The following PIBF1 variants were observed in gnomAD, a reference collection of about 807,000 sequenced individuals.
PIBF1 encodes progesterone immunomodulatory binding factor 1.
In PIBF1, 90 loss-of-function variants were observed where a neutral mutation model predicts 112.5. That is an observed-to-expected ratio of 0.80 (90% CI 0.67 to 0.95). PIBF1 has a LOEUF of 0.95. PIBF1 is among the 40% of genes least tolerant of loss of function. The probability of loss-of-function intolerance (pLI) is 0.00; values close to 1 mark genes in which losing one functional copy is unlikely to be tolerated. For synonymous variants in PIBF1, 301 were observed against 288.6 expected, an observed-to-expected ratio of 1.04 and a Z score of -0.44; for missense variants, 915 against 852.3, an observed-to-expected ratio of 1.07 and a Z score of -0.92.
Position 72,997,946 on chromosome 13 carries a change from C to T in PIBF1, c.2050-876C>T, listed in dbSNP as rs181236115. ...AGACAAATACACTTGGGAGCAAGAA[C>T]GGGTGAAATTTTTGATCTCTTCAAA... On this transcript the variant is annotated intron_variant, in intron 16 of 17. Transcript: ENST00000326291. Among the ~76,000 whole-genome samples the T allele has an allele frequency of 4.3e-3, 661 of 152,164 alleles. 3 individuals are homozygous for T. The highest frequency in any genetic ancestry group is 7.2e-3 in the Non-Finnish European group (487 of 68,012).
intron 5 of PIBF1, among the ~76,000 whole-genome samples, chr13:72,812,008 C>A (rs546432634): frequency 1.6e-4 from 25 of 152,014 alleles, no homozygotes; most frequent in African/African-American, 6.0e-4. Flanking sequence ...TGTGTATAAT[C>A]TTTAGTAAAT....
At chr13:72,795,313 C>T in intron 3 of PIBF1, 46 bp from the exon 4 acceptor site, 2 of 1,203,422 alleles carry the variant, frequency 1.7e-6, no homozygotes, top group Non-Finnish European at 2.4e-6. Context: ...AAAATTAGAT[C>T]TCAAATACTT....
chr13:72,929,505 G>T (rs2041636957), intron 13 of PIBF1, among the ~76,000 whole-genome samples: 1 of 152,032 alleles, frequency 6.6e-6, no homozygotes, highest in African/African-American at 2.4e-5. Flanking sequence ...GAGAGTGACT[G>T]GTAATGGACA....
chr13:72,947,465 G>T (rs930684412), intron 14 of PIBF1, among the ~76,000 whole-genome samples: 1 of 152,186 alleles, frequency 6.6e-6, no homozygotes, highest in Non-Finnish European at 1.5e-5. Context: ...TTTCACCATT[G>T]TCTTGGCAAT....
intron 6 of PIBF1, among the ~76,000 whole-genome samples, chr13:72,823,853 T>C (rs879851610): frequency 4.6e-5 from 7 of 152,162 alleles, no homozygotes; most frequent in Non-Finnish European, 8.8e-5. Context: ...GCTCTTTGTC[T>C]AAGAAGTCTT....
intron 5 of PIBF1, among the ~76,000 whole-genome samples, chr13:72,799,126 T>C (rs1233179092): frequency 6.6e-6 from 1 of 152,226 alleles, no homozygotes; most frequent in East Asian, 1.9e-4. Flanking sequence ...GACCAGGTCA[T>C]TTAATGTTTC....
At chr13:72,895,028 C>A (rs2040223121) in intron 11 of PIBF1, among the ~76,000 whole-genome samples, 1 of 151,294 alleles carries the variant, frequency 6.6e-6, no homozygotes, top group African/African-American at 2.4e-5. Flanking sequence ...GGGGTTGAGA[C>A]AGGGAGGATT....
At chr13:72,819,464 A>G (rs2036441746) in intron 5 of PIBF1, among the ~76,000 whole-genome samples, 1 of 151,808 alleles carries the variant, frequency 6.6e-6, no homozygotes. Context: ...ATTTTTTAAA[A>G]CCTTCATTGG....
chr13:72,988,425 G>A (rs533152896), intron 16 of PIBF1, among the ~76,000 whole-genome samples: 1 of 152,028 alleles, frequency 6.6e-6, no homozygotes, highest in Non-Finnish European at 1.5e-5. Context: ...TAGGGAGATC[G>A]AGGGGCTGTA....
chr13:73,010,810 C>CTTTTTCTTTTTTTTT (rs2044174823), intron 17 of PIBF1, among the ~76,000 whole-genome samples: 1 of 40,302 alleles, frequency 2.5e-5, no homozygotes, highest in African/African-American at 9.6e-5. Flanking sequence ...ATTAACTTTT[C>CTTTTTCTTTTTTTTT]TTTTTTTTTT....
intron 2 of PIBF1, among the ~76,000 whole-genome samples, chr13:72,785,964 T>G (rs77819761): frequency 0.012 from 1,807 of 152,286 alleles, 21 homozygotes; most frequent in Non-Finnish European, 0.02. Context: ...GTGTAACAAA[T>G]CCAAATTACA....
chr13:72,962,454 C>T (rs1005290636), intron 14 of PIBF1, among the ~76,000 whole-genome samples: 2 of 151,956 alleles, frequency 1.3e-5, no homozygotes, highest in Admixed American at 1.3e-4. Context: ...ATAAAATTAG[C>T]CGGGCATGGT....
At position 72,931,225 on chromosome 13, in the gene PIBF1, T is replaced by A. The variant is rs746767718; in HGVS notation, c.1791T>A (p.Asp597Glu). ...AACAAAACTCGCTGATTTTAAAAGA[T>A]CTGGAACATCGAAAGGACCAAGTAA... ...LEKQNSLILK[D>E]LEHRKDQVTQ... Residue 597 changes from aspartate to glutamate, a missense_variant, in exon 14 of 18, where the codon GAT (aspartate) becomes GAA (glutamate). By Grantham distance (45) the Asp-to-Glu change is conservative. Coordinates refer to ENST00000326291, the MANE Select transcript of PIBF1 (RefSeq NM_006346.4). The A allele has an allele frequency of 1.1e-5, 17 of 1,613,046 alleles. No individual in the cohort carries two copies. Among genetic ancestry groups the A allele is most frequent in the Non-Finnish European group, 1.4e-5 (16 of 1,179,460 alleles).
intron 17 of PIBF1, among the ~76,000 whole-genome samples, chr13:73,007,327 C>T (rs532594936): frequency 1.5e-3 from 213 of 146,896 alleles, no homozygotes; most frequent in African/African-American, 5.0e-3. Context: ...GATGGAGTCT[C>T]ACTCTGTCAC....
At chr13:72,913,131 T>C in intron 12 of PIBF1, among the ~76,000 whole-genome samples, 1 of 151,946 alleles carries the variant, frequency 6.6e-6, no homozygotes, top group East Asian at 1.9e-4. Context: ...TCACCAAAAA[T>C]TAACTGAGAA....
chr13:72,868,828 TA>T (rs56290400), intron 10 of PIBF1, among the ~76,000 whole-genome samples: 27,233 of 114,228 alleles, frequency 0.24, 3,843 homozygotes, highest in African/African-American at 0.45. Context: ...TCCCAAAAAG[TA>T]AAAAAAAAAA....
intron 10 of PIBF1, among the ~76,000 whole-genome samples, chr13:72,892,798 ACACACACACACG>A: frequency 6.6e-6 from 1 of 150,836 alleles, no homozygotes; most frequent in Non-Finnish European, 1.5e-5. Flanking sequence ...ACACACACAC[ACACACACACACG>A]CACACGCACA....
intron 12 of PIBF1, among the ~76,000 whole-genome samples, chr13:72,912,918 TTATAC>T (rs1033553892): frequency 1.3e-5 from 2 of 151,848 alleles, no homozygotes; most frequent in Non-Finnish European, 2.9e-5. Flanking sequence ...TATGGTATGA[TTATAC>T]TATATGATTA....
chr13:72,813,856 A>AC (rs5804649), intron 5 of PIBF1, among the ~76,000 whole-genome samples: 117,894 of 152,036 alleles, frequency 0.78, 46,027 homozygotes, highest in South Asian at 0.85. Context: ...GAGATAAGCT[A>AC]CAAAATTTGA....
Sources: gnomAD v4.1 joint callset for allele counts (sites outside exome capture counted in the v4.1 genomes callset) on GRCh38, gnomAD v4.1.1 for gene constraint, MANE v1.5 for transcripts, NCBI Gene and HGNC (gene_info 2026-07-23, HGNC 2026-07-21) for gene names.